TTC34: variants seen among roughly 807,000 people sequenced by gnomAD.
The protein encoded by TTC34 is tetratricopeptide repeat domain 34, also known as tetratricopeptide repeat protein 34.
TTC34 carries 44 observed loss-of-function variants against 40.7 expected under a neutral mutation model. The observed-to-expected ratio is 1.08, with a 90% CI of 0.85 to 1.39. The LOEUF (loss-of-function observed/expected upper bound fraction) is 1.39, where lower values mean the gene tolerates loss of function less well. TTC34 is among the 40% of genes most tolerant of loss of function. The pLI, the probability that TTC34 is intolerant of heterozygous loss-of-function variation, is 0.00. For synonymous variants in TTC34, 422 were observed against 398.6 expected, an observed-to-expected ratio of 1.06 and a Z score of -0.70; for missense variants, 884 against 838.0, an observed-to-expected ratio of 1.05 and a Z score of -0.68.
rs1264126564 is a variant in TTC34, at chr1:2,645,485, C to G, written c.2305G>C (p.Glu769Gln). Residue 769 changes from glutamate to glutamine, a missense_variant, in exon 7 of 9, where the codon GAA (glutamate) becomes CAA (glutamine). Physicochemically the swap from Glu to Gln is conservative, Grantham distance 29 (BLOSUM62 2). Coordinates refer to ENST00000401095, the Ensembl canonical transcript of TTC34. This position sits in a 1 kb window ranked among gnomAD's most constrained non-coding sequence, Gnocchi z 4.7. Reference sequence around the variant, plus strand: ...CCCTGTGTGATGAGGGCCTGGGCTTCCGGCTTCAGAGAGCGGAGCTCAGGG... The same window carrying G: ...CCCTGTGTGATGAGGGCCTGGGCTTGCGGCTTCAGAGAGCGGAGCTCAGGG... 6.5e-7 allele frequency: 1 copy of G among 1,528,460 alleles called. No homozygotes were observed. Among genetic ancestry groups the G allele is most frequent in the East Asian group, 2.5e-5 (1 of 40,306 alleles). The allele number at this position is 1,528,460 out of a possible 1,614,324, so 94.7% of individuals were successfully genotyped here.
chr1:2,652,178 T>A (rs1321928174), intron 6 of TTC34, among the ~76,000 whole-genome samples: 1 of 35,590 alleles, frequency 2.8e-5, no homozygotes. Context: ...CAGGTGAGCA[T>A]CTGACAGACT....
intron 6 of TTC34, among the ~76,000 whole-genome samples, chr1:2,749,282 A>C (rs1212041553): frequency 5.4e-5 from 3 of 55,050 alleles, no homozygotes; most frequent in Non-Finnish European, 6.0e-5. Flanking sequence ...AGCACCCAAA[A>C]CCACAGGTGA....
intron 6 of TTC34, among the ~76,000 whole-genome samples, chr1:2,777,622 C>A (rs1230397008): frequency 6.8e-6 from 1 of 147,256 alleles, no homozygotes; most frequent in Non-Finnish European, 1.5e-5. Context: ...AGCCCCAGCG[C>A]TGAGTCAGAG....
intron 6 of TTC34, among the ~76,000 whole-genome samples, chr1:2,673,485 A>G (rs1361788105): frequency 2.6e-5 from 2 of 76,814 alleles, no homozygotes; most frequent in African/African-American, 9.2e-5. Context: ...CGCCCAGGTG[A>G]GCATCTGACA....
At chr1:2,652,523 A>AGTTGAG in intron 6 of TTC34, among the ~76,000 whole-genome samples, 2 of 5,818 alleles carry the variant, frequency 3.4e-4, no homozygotes, top group Non-Finnish European at 7.6e-4. Flanking sequence ...CAGCACCCAC[A>AGTTGAG]CCTCCAGGCG....
chr1:2,687,021 A>G (rs1483817983), intron 6 of TTC34, among the ~76,000 whole-genome samples: 2 of 149,144 alleles, frequency 1.3e-5, no homozygotes, highest in Non-Finnish European at 2.9e-5. Flanking sequence ...TGAGCATTCG[A>G]CAGCCTGGAG....
At chr1:2,643,380 C>T (rs1638952535) in intron 8 of TTC34, among the ~76,000 whole-genome samples, 1 of 152,238 alleles carries the variant, frequency 6.6e-6, no homozygotes, top group African/African-American at 2.4e-5. Flanking sequence ...ATTCTGCAGC[C>T]TCGGAGACCC....
intron 6 of TTC34, among the ~76,000 whole-genome samples, chr1:2,690,465 G>GCCCGCAGCAGCACCCACACGCACA (rs1640567380): frequency 8.2e-6 from 1 of 121,636 alleles, no homozygotes; most frequent in Non-Finnish European, 1.9e-5. Context: ...CACAACCACA[G>GCCCGCAGCAGCACCCACACGCACA]GTGAGCATCT....
At chr1:2,748,911 G>C (rs1350450247) in intron 6 of TTC34, among the ~76,000 whole-genome samples, 1 of 110,446 alleles carries the variant, frequency 9.1e-6, no homozygotes, top group Non-Finnish European at 1.7e-5. Flanking sequence ...GCCTGGAACA[G>C]AACCCACACC....
At chr1:2,750,730 C>G (rs1470459569) in intron 6 of TTC34, among the ~76,000 whole-genome samples, 1 of 134,784 alleles carries the variant, frequency 7.4e-6, no homozygotes, top group East Asian at 2.4e-4. Flanking sequence ...CCCACACCCC[C>G]AGGTGAGCAT....
chr1:2,688,013 GCGAGCATCTGAC>G (rs1640444655), intron 6 of TTC34, among the ~76,000 whole-genome samples: 4 of 125,486 alleles, frequency 3.2e-5, no homozygotes, highest in Admixed American at 7.9e-5. Flanking sequence ...ACACCCCCAG[GCGAGCATCTGAC>G]TGCATGTAAC....
chr1:2,675,088 C>T (rs1195587837), intron 6 of TTC34, among the ~76,000 whole-genome samples: 98 of 44,084 alleles, frequency 2.2e-3, no homozygotes, highest in Non-Finnish European at 2.9e-3. Flanking sequence ...CACACCCAGG[C>T]GAGCATCTGA....
At chr1:2,793,382 A>C (rs1489962197) in intron 2 of TTC34, among the ~76,000 whole-genome samples, 1 of 152,202 alleles carries the variant, frequency 6.6e-6, no homozygotes, top group Non-Finnish European at 1.5e-5. Context: ...TACTCTGCAT[A>C]CTAATTTATC....
At chr1:2,768,544 AG>A (rs1641874730) in intron 6 of TTC34, among the ~76,000 whole-genome samples, 1 of 151,858 alleles carries the variant, frequency 6.6e-6, no homozygotes, top group Admixed American at 6.6e-5. Context: ...CCACAACTGC[AG>A]GTGAGCATCT....
intron 6 of TTC34, among the ~76,000 whole-genome samples, chr1:2,675,089 G>A (rs1570787322): frequency 7.9e-6 from 1 of 126,166 alleles, no homozygotes; most frequent in South Asian, 2.6e-4. Flanking sequence ...ACACCCAGGC[G>A]AGCATCTGAC....
chr1:2,683,373 C>G (rs1244856146), intron 6 of TTC34, among the ~76,000 whole-genome samples: 3 of 136,602 alleles, frequency 2.2e-5, no homozygotes, highest in Non-Finnish European at 4.7e-5. Flanking sequence ...CATCTGATGG[C>G]TTGGAACAGC....
chr1:2,782,198 G>C (rs1283834846), intron 6 of TTC34, among the ~76,000 whole-genome samples: 7 of 152,118 alleles, frequency 4.6e-5, no homozygotes, highest in Admixed American at 4.6e-4. Context: ...GGTCTATTCA[G>C]ATCTTCTATT....
intron 6 of TTC34, among the ~76,000 whole-genome samples, chr1:2,687,508 C>A (rs1426163892): frequency 6.8e-6 from 1 of 147,912 alleles, no homozygotes; most frequent in Non-Finnish European, 1.5e-5. Flanking sequence ...ATCTGACATC[C>A]TTGAGCAGCA....
chr1:2,657,511 G>T (rs1639393737), intron 6 of TTC34, among the ~76,000 whole-genome samples: 1 of 97,476 alleles, frequency 1.0e-5, no homozygotes, highest in South Asian at 2.9e-4. Flanking sequence ...CCCCAGGCGA[G>T]CATCTGACAG....
Sources: allele counts gnomAD v4.1 joint callset (sites outside exome capture counted in the v4.1 genomes callset), GRCh38; gene constraint gnomAD v4.1.1; non-coding constraint Gnocchi (gnomAD v3.1); transcripts MANE v1.5; gene names NCBI Gene and HGNC (gene_info 2026-07-23, HGNC 2026-07-21).